Variants in CD8A observed in about 807,000 individuals in gnomAD.
The protein encoded by CD8A is T-cell surface glycoprotein CD8 alpha chain.
CD8A carries 25 observed loss-of-function variants against 24.2 expected under a neutral mutation model. The observed-to-expected ratio is 1.03, with a 90% confidence interval of 0.75 to 1.44. CD8A has a LOEUF of 1.44. Among genes scored for constraint, CD8A ranks in the 40% most tolerant of loss-of-function variants. CD8A has a pLI of 0.00. For synonymous variants in CD8A, 165 were observed against 149.9 expected (o/e 1.10, Z -0.74); for missense variants, 360 against 319.7 (o/e 1.13, Z -0.96).
chr2:86,784,877 G>T lies in CD8A; in HGVS notation c.*1043C>A, dbSNP rs1202646383. On this transcript the variant is annotated 3_prime_UTR_variant, in exon 6 of 6. Coordinates refer to ENST00000283635, the MANE Select transcript of CD8A (RefSeq NM_001768.7). ...ACCTTAAGCAAGGAAGTGCATGTTT[G>T]GGACAGCAGTTTGGGCTCTCAGCCT... The T allele has an allele frequency of 2.2e-6, 1 of 454,068 alleles. No individual in the cohort carries two copies. The highest frequency in any genetic ancestry group is 4.4e-6 in the Non-Finnish European group (1 of 226,784). 28.1% of individuals were successfully genotyped at this position (454,068 alleles called of 1,614,324 possible). A position where few individuals can be genotyped will look rare whatever the true frequency, so the allele number is the denominator to read the frequency against.
intron 4 of CD8A, among the ~76,000 whole-genome samples, chr2:86,788,830 T>A (rs1033360610): frequency 6.6e-6 from 1 of 151,810 alleles, no homozygotes; most frequent in Non-Finnish European, 1.5e-5. Flanking sequence ...AAGCATCAAT[T>A]AAAAAAAATT....
Position 86,785,721 on chromosome 2 carries a change from T to C in CD8A, c.*199A>G, listed in dbSNP as rs1573455730. 2 of 728,544 alleles carry C rather than the reference T, an allele frequency of 2.7e-6. No homozygotes were observed. The highest frequency in any genetic ancestry group is 2.6e-5 in the East Asian group (1 of 38,886). 45.1% of individuals were successfully genotyped at this position (728,544 alleles called of 1,614,324 possible). Reference sequence around the variant, plus strand: ...CACAACAGTATTGTGACCCTTGTGGTGTACTGTAGATTTTACCTAGTTTTG... The same window carrying C: ...CACAACAGTATTGTGACCCTTGTGGCGTACTGTAGATTTTACCTAGTTTTG... On this transcript the variant is annotated 3_prime_UTR_variant, in exon 6 of 6. Transcript: ENST00000283635.
intron 3 of CD8A, among the ~76,000 whole-genome samples, chr2:86,799,494 C>T (rs775907437): frequency 3.3e-5 from 5 of 152,108 alleles, no homozygotes; most frequent in Non-Finnish European, 7.4e-5. Context: ...CGGTGGCTCA[C>T]GCTTGTAATC....
rs1039351090 is a variant in CD8A, at chr2:86,785,597, G to T, written c.*323C>A. 3.2e-5 allele frequency: 18 copies of T among 568,824 alleles called. 1 individual carries two copies. The highest frequency in any genetic ancestry group is 4.7e-4 in the Middle Eastern group (1 of 2,118). The allele number at this position is 568,824 out of a possible 1,614,324, so 35.2% of individuals were successfully genotyped here. A position where few individuals can be genotyped will look rare whatever the true frequency, so the allele number is the denominator to read the frequency against. ...CCTTTGTAAAACGGGCGGGGAAGAG[G>T]TTGAGATGGCATGGGTGCCTCCAGC... On this transcript the variant is annotated 3_prime_UTR_variant, in exon 6 of 6. Coordinates refer to ENST00000283635, the MANE Select transcript of CD8A (RefSeq NM_001768.7).
intron 3 of CD8A, among the ~76,000 whole-genome samples, chr2:86,800,951 C>T (rs1673651814): frequency 6.6e-6 from 1 of 152,114 alleles, no homozygotes; most frequent in Non-Finnish European, 1.5e-5. Context: ...GCAATCAGGA[C>T]ACACACACAG....
At position 86,789,427 on chromosome 2, in the gene CD8A, G is replaced by T. The variant is rs1266314558; in HGVS notation, c.521C>A (p.Thr174Lys). The T allele has an allele frequency of 6.2e-7, 1 of 1,612,516 alleles. No individual in the cohort carries two copies. Among genetic ancestry groups the T allele is most frequent in the Non-Finnish European group, 8.5e-7 (1 of 1,178,466 alleles). Reference protein sequence around the residue: ...CRPAAGGAVHTRGLDFACDIY... With the variant: ...CRPAAGGAVHKRGLDFACDIY... ...ATCACAGGCGAAGTCCAGCCCCCTC[G>T]TGTGCACTGACGACACCAAAGACGC... The change falls in exon 4 of 6, where the codon ACG (threonine) becomes AAG (lysine). Residue 174 changes from threonine to lysine, a missense_variant. Transcript: ENST00000283635.
At chr2:86,791,859 T>A (rs2104444332), upstream of CD8A, 1 of 361,056 alleles carries the variant, frequency 2.8e-6, no homozygotes, top group Admixed American at 3.6e-5. Context: ...GGAATGCTGG[T>A]CTGTTTAAGC....
rs773280407 is a variant in CD8A at position 86,785,288 on chromosome 2, G to A, written c.*632C>T. On this transcript the variant is annotated 3_prime_UTR_variant, in exon 6 of 6. Coordinates refer to ENST00000283635, the MANE Select transcript of CD8A (RefSeq NM_001768.7). ...TTAGGCTTGATTATAAAAAAAAAAA[G>A]TCTGATATTGTTTACATTATAGAAC... 2 of 447,030 alleles carry A rather than the reference G, an allele frequency of 4.5e-6. No individual in the cohort carries two copies. Among genetic ancestry groups the A allele is most frequent in the South Asian group, 3.1e-5 (2 of 63,528 alleles). 27.7% of individuals were successfully genotyped at this position (447,030 alleles called of 1,614,324 possible).
chr2:86,800,895 T>C (rs1050506645), intron 3 of CD8A, among the ~76,000 whole-genome samples: 1 of 152,200 alleles, frequency 6.6e-6, no homozygotes, highest in Admixed American at 6.5e-5. Flanking sequence ...ATGAGGCCAA[T>C]AGGATGGGTC....
chr2:86,798,844 C>T (rs1673570831), intron 3 of CD8A, among the ~76,000 whole-genome samples: 1 of 152,142 alleles, frequency 6.6e-6, no homozygotes, highest in Non-Finnish European at 1.5e-5. Context: ...CTTTTTCTAT[C>T]CATTTACTTT....
At chr2:86,788,828 A>G (rs1048631264) in intron 4 of CD8A, among the ~76,000 whole-genome samples, 4 of 152,160 alleles carry the variant, frequency 2.6e-5, no homozygotes, top group African/African-American at 4.8e-5. Flanking sequence ...TCAAGCATCA[A>G]TTAAAAAAAA....
At chr2:86,788,665 G>T in intron 4 of CD8A, 105 bp from the exon 5 acceptor site, 1 of 1,101,058 alleles carries the variant, frequency 9.1e-7, no homozygotes, top group Non-Finnish European at 1.4e-6. Flanking sequence ...GCTGTTTTTT[G>T]GTTTTACAAA....
At position 86,789,505 on chromosome 2, in the gene CD8A, C is replaced by T. The variant is rs1673173137; in HGVS notation, c.515-72G>A. 19 of 1,376,112 alleles carry T rather than the reference C, an allele frequency of 1.4e-5. No homozygotes were observed. The South Asian group carries it at 1.9e-4, about 13-fold the overall frequency. The allele number at this position is 1,376,112 out of a possible 1,614,324, so 85.2% of individuals were successfully genotyped here. A position where few individuals can be genotyped will look rare whatever the true frequency, so the allele number is the denominator to read the frequency against. On this transcript the variant is annotated intron_variant, in intron 3 of 5. Coordinates refer to ENST00000283635, the MANE Select transcript of CD8A (RefSeq NM_001768.7). ...CCCAACCGCCCCACCGTCCCGGGAA[C>T]GTCTCTCCGCCTCAGATCTCGGTTT... is the stretch of plus-strand genomic sequence containing the variant.
intron 2 of CD8A, among the ~76,000 whole-genome samples, chr2:86,806,918 G>C (rs1226271072): frequency 6.6e-6 from 1 of 152,108 alleles, no homozygotes; most frequent in Non-Finnish European, 1.5e-5. Context: ...TCTATTTTGG[G>C]TAAATCGTTT....
chr2:86,790,904 G>T lies in CD8A; in HGVS notation c.-79C>A. 7.3e-7 allele frequency: 1 copy of T among 1,370,514 alleles called. No homozygotes were observed. The highest frequency in any genetic ancestry group is 1.2e-5 in the South Asian group (1 of 80,768). 84.9% of individuals were successfully genotyped at this position (1,370,514 alleles called of 1,614,324 possible). A position where few individuals can be genotyped will look rare whatever the true frequency, so the allele number is the denominator to read the frequency against. On this transcript the variant is annotated 5_prime_UTR_variant, in exon 1 of 6. Coordinates refer to ENST00000283635, the MANE Select transcript of CD8A (RefSeq NM_001768.7). The stretch of plus-strand genomic sequence containing the variant: ...CGCGGGAGCCGGTGGGGCGCCGAGG[G>T]GGGAAAGTTGCGCCCTTCGGCCGGC...
At chr2:86,789,197 G>A (rs1673154433) in intron 4 of CD8A, 126 bp downstream of exon 4, 2 of 743,348 alleles carry the variant, frequency 2.7e-6, no homozygotes, top group Non-Finnish European at 2.5e-6. Flanking sequence ...CTGTACCTGC[G>A]GGGCAGCTCG....
At position 86,788,513 on chromosome 2, in the gene CD8A, G is replaced by GAA; in HGVS notation, c.656+16_656+17insTT. The stretch of plus-strand genomic sequence containing the variant: ...GGGCTGGCCAAGGTGAGCAGGCTGA[G>GAA]TTCAAAAGAGACTCACCGGGGACAT... On this transcript the variant is annotated intron_variant, in intron 5 of 5. Transcript: ENST00000283635. 1 of 1,610,530 alleles carries GAA rather than the reference G, an allele frequency of 6.2e-7. No homozygotes were observed. Among genetic ancestry groups the GAA allele is most frequent in the Non-Finnish European group, 8.5e-7 (1 of 1,177,664 alleles).
At chr2:86,790,965 C>G, upstream of CD8A, 2 of 840,772 alleles carry the variant, frequency 2.4e-6, no homozygotes, top group Non-Finnish European at 3.9e-6. Context: ...GATGTGATGT[C>G]ACCCGAAGCC....
At chr2:86,804,859 G>A (rs900042496) in intron 2 of CD8A, among the ~76,000 whole-genome samples, 1 of 142,976 alleles carries the variant, frequency 7.0e-6, no homozygotes, top group Non-Finnish European at 1.5e-5. Context: ...CTGGAGTGCA[G>A]TGGTGCGATC....
Sources: gnomAD v4.1 joint callset for allele counts (sites outside exome capture counted in the v4.1 genomes callset) on GRCh38, gnomAD v4.1.1 for gene constraint, MANE v1.5 for transcripts, NCBI Gene and HGNC (gene_info 2026-07-23, HGNC 2026-07-21) for gene names.